OPRM1: variants seen among roughly 807,000 people sequenced by gnomAD.
OPRM1 encodes the protein opioid receptor mu 1.
A neutral mutation model predicts 31.8 loss-of-function variants in OPRM1; 27 were observed. That is an observed-to-expected ratio of 0.85 (90% CI 0.63 to 1.17). The LOEUF (loss-of-function observed/expected upper bound fraction) is 1.17, where lower values mean the gene tolerates loss of function less well. Ranked by LOEUF, OPRM1 falls within the 50% of genes most tolerant of loss-of-function variation. The pLI is 0.00. For synonymous variants in OPRM1, 196 were observed against 189.9 expected (o/e 1.03, Z -0.26); for missense variants, 536 against 511.1 (o/e 1.05, Z -0.47).
intron 3 of OPRM1, among the ~76,000 whole-genome samples, chr6:154,140,474 G>A (rs1022725048): frequency 1.2e-4 from 19 of 152,038 alleles, no homozygotes; most frequent in Admixed American, 4.6e-4. Context: ...GGCATTACAG[G>A]CGTGTGCCAC....
At chr6:154,190,750 A>C (rs1801801169) in intron 3 of OPRM1, among the ~76,000 whole-genome samples, 1 of 152,232 alleles carries the variant, frequency 6.6e-6, no homozygotes, top group African/African-American at 2.4e-5. Flanking sequence ...AAAACTTGGA[A>C]GCTACAAAGA....
intron 1 of OPRM1, among the ~76,000 whole-genome samples, chr6:154,041,305 CAAG>C (rs745575158): frequency 5.3e-5 from 8 of 152,068 alleles, no homozygotes; most frequent in Non-Finnish European, 1.2e-4. Context: ...AGGAAAAATG[CAAG>C]AAGATCGATG....
chr6:154,054,784 G>A (rs1782910465), intron 1 of OPRM1, among the ~76,000 whole-genome samples: 1 of 152,176 alleles, frequency 6.6e-6, no homozygotes, highest in African/African-American at 2.4e-5. Context: ...TTGAGAGGAT[G>A]CATACCCCAT....
chr6:154,036,895 G>C (rs1421489785), upstream of OPRM1, among the ~76,000 whole-genome samples: 1 of 151,896 alleles, frequency 6.6e-6, no homozygotes, highest in Non-Finnish European at 1.5e-5. Flanking sequence ...CAGAGAGTGA[G>C]GGAGGGAGTC....
chr6:154,031,530 T>G (rs1276257932), intron 1 of OPRM1, among the ~76,000 whole-genome samples: 2 of 150,468 alleles, frequency 1.3e-5, no homozygotes, highest in African/African-American at 2.4e-5. Flanking sequence ...AGGTCAGGAG[T>G]TCAAGGCCAG....
intron 3 of OPRM1, among the ~76,000 whole-genome samples, chr6:154,188,779 C>T (rs1005843537): frequency 1.3e-5 from 2 of 152,080 alleles, no homozygotes; most frequent in African/African-American, 4.8e-5. Context: ...ATGGCGTGTA[C>T]AGAAATGATA....
intron 1 of OPRM1, chr6:154,074,155 C>T (rs1275453849): frequency 6.6e-6 from 1 of 152,192 alleles, no homozygotes; most frequent in African/African-American, 2.4e-5. Flanking sequence ...TCAATCCTGG[C>T]TCTGACAACA....
At chr6:154,142,459 C>G (rs1043627059) in intron 3 of OPRM1, among the ~76,000 whole-genome samples, 5 of 152,098 alleles carry the variant, frequency 3.3e-5, no homozygotes, top group African/African-American at 1.2e-4. Flanking sequence ...ATGTGTACAA[C>G]TCCAGTAAAC....
intron 3 of OPRM1, among the ~76,000 whole-genome samples, chr6:154,169,865 T>C (rs953146622): frequency 6.6e-6 from 1 of 152,210 alleles, no homozygotes; most frequent in African/African-American, 2.4e-5. Flanking sequence ...TTCCAAGACT[T>C]TGGAGTATCA....
chr6:154,230,461 A>G (rs1779630423), intron 3 of OPRM1, among the ~76,000 whole-genome samples: 1 of 152,250 alleles, frequency 6.6e-6, no homozygotes, highest in Non-Finnish European at 1.5e-5. Flanking sequence ...ATAAGTGTTC[A>G]TTGCCATGAT....
chr6:154,056,641 G>A (rs994331353), intron 1 of OPRM1, among the ~76,000 whole-genome samples: 2 of 151,828 alleles, frequency 1.3e-5, no homozygotes, highest in African/African-American at 4.8e-5. Flanking sequence ...TCCAAGTACA[G>A]AAGCTGTGGG....
chr6:154,224,398 C>T (rs1779092240), intron 3 of OPRM1, among the ~76,000 whole-genome samples: 1 of 152,136 alleles, frequency 6.6e-6, no homozygotes, highest in African/African-American at 2.4e-5. Context: ...ACCTGAAATG[C>T]CTTCCTCTTA....
At chr6:154,109,788 C>G (rs1330517619) in intron 3 of OPRM1, among the ~76,000 whole-genome samples, 1,436 of 103,828 alleles carry the variant, frequency 0.014, 15 homozygotes, top group African/African-American at 0.043. Flanking sequence ...CTCTCTCTCT[C>G]TCTCTGTGTG....
At chr6:154,040,345 C>G (rs1779804256) in intron 1 of OPRM1, among the ~76,000 whole-genome samples, 1 of 152,132 alleles carries the variant, frequency 6.6e-6, no homozygotes, top group African/African-American at 2.4e-5. Context: ...AACTTTCCTA[C>G]TCCTGCTGGT....
At chr6:154,246,126 G>A (rs1781022488) in intron 3 of OPRM1, among the ~76,000 whole-genome samples, 1 of 152,092 alleles carries the variant, frequency 6.6e-6, no homozygotes, top group Non-Finnish European at 1.5e-5. Flanking sequence ...GGAAAGAAGG[G>A]GAAGAAGAAA....
intron 3 of OPRM1, among the ~76,000 whole-genome samples, chr6:154,215,258 G>A (rs577342135): frequency 2.0e-5 from 3 of 151,638 alleles, no homozygotes; most frequent in Non-Finnish European, 2.9e-5. Flanking sequence ...GAATCCTTAC[G>A]CAACCCTCAA....
chr6:154,099,395 GAAAGTA>G (rs1211830778), intron 3 of OPRM1, among the ~76,000 whole-genome samples: 1 of 109,586 alleles, frequency 9.1e-6, no homozygotes, highest in African/African-American at 3.4e-5. Flanking sequence ...GAGAAAGAAA[GAAAGTA>G]AAGAAAGAAA....
intron 3 of OPRM1, among the ~76,000 whole-genome samples, chr6:154,175,888 A>C (rs2128561300): frequency 6.6e-6 from 1 of 152,344 alleles, no homozygotes; most frequent in African/African-American, 2.4e-5. Context: ...ATTTTAGGCC[A>C]ATATCCCTGA....
In OPRM1 at chr6:154,104,208, G is replaced by A. The variant is rs111471111; in HGVS notation, c.1164+12736G>A. 9.9e-3 allele frequency among the ~76,000 whole-genome samples: 1,509 copies of A among 152,242 alleles called. 23 individuals are homozygous for A. The highest frequency in any genetic ancestry group is 0.035 in the African/African-American group (1,452 of 41,516). On this transcript the variant is annotated intron_variant, in intron 3 of 3. Transcript: ENST00000330432. Reference sequence around the variant, plus strand: ...CAGTCAGAAAGCATCAGTATGGCGAGGGCCATTCATGACTCTTGAGTTTCA... The same window carrying A: ...CAGTCAGAAAGCATCAGTATGGCGAAGGCCATTCATGACTCTTGAGTTTCA...
Sources: allele counts gnomAD v4.1 joint callset (sites outside exome capture counted in the v4.1 genomes callset), GRCh38; gene constraint gnomAD v4.1.1; transcripts MANE v1.5; gene names NCBI Gene and HGNC (gene_info 2026-07-23, HGNC 2026-07-21).